OSTM1: variants seen among roughly 807,000 people sequenced by gnomAD.
The protein encoded by OSTM1 is osteopetrosis-associated transmembrane protein 1.
Under a neutral mutation model 35.4 loss-of-function variants are expected in OSTM1, and 26 were observed. The ratio of observed to expected loss-of-function variants is 0.73; its 90% CI spans 0.54 to 1.02. The LOEUF is 1.02. Ranked by LOEUF, OSTM1 falls within the 50% of genes least tolerant of loss-of-function variation. The pLI, the probability that OSTM1 is intolerant of heterozygous loss-of-function variation, is 0.00. For missense variants in OSTM1, 366 were observed against 409.6 expected (o/e 0.89, Z 0.92); for synonymous variants, 181 against 165.0 (o/e 1.10, Z -0.75).
At position 108,043,184 on chromosome 6, in the gene OSTM1, A is replaced by C. The variant is rs1771901797; in HGVS notation, c.*1601T>G. 6.6e-6 allele frequency: 1 copy of C among 152,226 alleles called. No homozygotes were observed. Among genetic ancestry groups the C allele is most frequent in the South Asian group, 2.1e-4 (1 of 4,828 alleles). The allele number at this position is 152,226 out of a possible 1,614,324, so 9.4% of individuals were successfully genotyped here. On this transcript the variant is annotated 3_prime_UTR_variant, in exon 6 of 6. Transcript: ENST00000193322. ...GTCATTTTCTAACTCTGCACATGTA[A>C]ACTTGTTTTATCTGCATTAATGAAG...
intron 3 of OSTM1, among the ~76,000 whole-genome samples, chr6:108,051,559 T>C (rs570050822): frequency 6.6e-6 from 1 of 152,330 alleles, no homozygotes; most frequent in South Asian, 2.1e-4. Flanking sequence ...CAAAATTTCC[T>C]AAATTATCTC....
In OSTM1 at chr6:108,046,853, G is replaced by A. The variant is rs374427507; in HGVS notation, c.950-2013C>T. Among the ~76,000 whole-genome samples, 8 of 150,614 alleles carry A rather than the reference G, an allele frequency of 5.3e-5. No homozygotes were observed. The East Asian group carries it at 1.2e-3, about 22-fold the overall frequency. On this transcript the variant is annotated intron_variant, in intron 5 of 5. Transcript: ENST00000193322. ...ATTACTTTGTTAAAAACTACTAGAA[G>A]TGATCTAGCTTCTGACAAAATTCAA...
chr6:108,050,552 C>CG lies in OSTM1; in HGVS notation c.783+478dup, dbSNP rs371460883. Among the ~76,000 whole-genome samples the CG allele has an allele frequency of 9.3e-3, 1,418 of 151,664 alleles. 21 individuals are homozygous for CG. The highest frequency in any genetic ancestry group is 0.032 in the African/African-American group (1,336 of 41,338). ...CTAATTTTTCTATTTTTAGTAGAGA[C>CG]GGGGTTTCACCATGTTGGTCAGGCT... On this transcript the variant is annotated intron_variant, in intron 4 of 5. Transcript: ENST00000193322.
rs536311101 is a variant in OSTM1, at chr6:108,059,095, C to T, written c.518-4508G>A. On this transcript the variant is annotated intron_variant, in intron 2 of 5. Coordinates refer to ENST00000193322, the MANE Select transcript of OSTM1 (RefSeq NM_014028.4). ...TAATAATGCTTCATACTGGATACTGCTTACCAAAGAACCAAAACACTAAAG... is the reference window on the plus strand; with the variant it reads ...TAATAATGCTTCATACTGGATACTGTTTACCAAAGAACCAAAACACTAAAG... 3.9e-5 allele frequency among the ~76,000 whole-genome samples: 6 copies of T among 152,274 alleles called. No individual in the cohort carries two copies. In the East Asian group the frequency reaches 1.2e-3, roughly 29 times the overall value.
rs1772065414 is a variant in OSTM1 at position 108,051,009 on chromosome 6, AC to A, written c.783+21del. ...TCAATAACACTCTAAAATATGTATC[AC>A]ATCAGAAGCAAAGTACTTACTGCAT... On this transcript the variant is annotated intron_variant, in intron 4 of 5. Coordinates refer to ENST00000193322, the MANE Select transcript of OSTM1 (RefSeq NM_014028.4). The A allele has an allele frequency of 7.0e-6, 11 of 1,582,006 alleles. No homozygotes were observed. In the East Asian group the frequency reaches 2.5e-4, roughly 35 times the overall value.
intron 2 of OSTM1, chr6:108,061,012 A>G (rs1402486172): frequency 6.6e-6 from 1 of 152,186 alleles, no homozygotes; most frequent in Non-Finnish European, 1.5e-5. Flanking sequence ...TTTATAATTA[A>G]CATATTTTTC....
At chr6:108,058,422 T>C (rs1447685268) in intron 2 of OSTM1, among the ~76,000 whole-genome samples, 2 of 152,150 alleles carry the variant, frequency 1.3e-5, no homozygotes, top group African/African-American at 2.4e-5. Context: ...AAAACTAAGA[T>C]ACTTTAAATT....
intron 1 of OSTM1, among the ~76,000 whole-genome samples, chr6:108,072,485 T>G (rs1772501846): frequency 6.6e-6 from 1 of 151,512 alleles, no homozygotes; most frequent in Admixed American, 6.6e-5. Flanking sequence ...ATACAATAAT[T>G]AGTTAGGTGT....
intron 2 of OSTM1, among the ~76,000 whole-genome samples, chr6:108,062,623 T>C (rs995994739): frequency 1.3e-5 from 2 of 150,614 alleles, no homozygotes; most frequent in African/African-American, 4.9e-5. Context: ...CCATGATTCA[T>C]TGCAGCCTTG....
chr6:108,060,762 C>T (rs76068122), intron 2 of OSTM1: 1,691 of 152,074 alleles, frequency 0.011, 23 homozygotes, highest in Non-Finnish European at 0.017. Context: ...AAAAAAATGC[C>T]CTGCCTCTTC....
At chr6:108,056,008 A>G (rs1772164062) in intron 2 of OSTM1, among the ~76,000 whole-genome samples, 4 of 152,240 alleles carry the variant, frequency 2.6e-5, no homozygotes. Flanking sequence ...ATTACCCAGG[A>G]GAAAGGCAGC....
chr6:108,053,838 T>A (rs1476489306), intron 3 of OSTM1, among the ~76,000 whole-genome samples: 1 of 152,202 alleles, frequency 6.6e-6, no homozygotes, highest in East Asian at 1.9e-4. Context: ...TCATACATGC[T>A]TATACCCTAA....
chr6:108,046,405 G>A (rs574547051), intron 5 of OSTM1, among the ~76,000 whole-genome samples: 8 of 147,942 alleles, frequency 5.4e-5, no homozygotes, highest in East Asian at 2.0e-4. Context: ...GCAGTGGCGC[G>A]ATCTCAGCTC....
intron 5 of OSTM1, among the ~76,000 whole-genome samples, chr6:108,047,910 CTT>C (rs1038932051): frequency 6.6e-6 from 1 of 152,136 alleles, no homozygotes; most frequent in Non-Finnish European, 1.5e-5. Context: ...AGATGCTAAA[CTT>C]TAAAAGTATA....
chr6:108,073,899 C>T (rs910601444), intron 1 of OSTM1: 1 of 347,556 alleles, frequency 2.9e-6, no homozygotes, highest in African/African-American at 2.1e-5. Context: ...AGTGTCTCCA[C>T]CCCACTTGTT....
At chr6:108,044,968 A>G in intron 5 of OSTM1, 128 bp from the exon 6 acceptor site, 1 of 463,036 alleles carries the variant, frequency 2.2e-6, no homozygotes, top group Non-Finnish European at 3.6e-6. Context: ...TTCCAGCCTT[A>G]TAAGAATTAA....
rs573055586 is a variant in OSTM1, at chr6:108,059,189, G to T, written c.518-4602C>A. Among the ~76,000 whole-genome samples the T allele has an allele frequency of 1.6e-4, 25 of 152,312 alleles. No individual in the cohort carries two copies. In the South Asian group the frequency reaches 1.7e-3, roughly 10 times the overall value. On this transcript the variant is annotated intron_variant, in intron 2 of 5. Coordinates refer to ENST00000193322, the MANE Select transcript of OSTM1 (RefSeq NM_014028.4). ...ACTGCTGTATGCACAAGATAAGCAA[G>T]AAGGGTCTCAATAACAAGGCTATCC...
rs997449020 is a variant in OSTM1, at chr6:108,072,910, G to A, written c.402+1340C>T. Reference sequence around the variant, plus strand: ...GTAGCTGGAACTACAGACGTGTACCGCAATTCTTCTGCCTCAGCTTCCAGA... The same window carrying A: ...GTAGCTGGAACTACAGACGTGTACCACAATTCTTCTGCCTCAGCTTCCAGA... On this transcript the variant is annotated intron_variant, in intron 1 of 5. Coordinates refer to ENST00000193322, the MANE Select transcript of OSTM1 (RefSeq NM_014028.4). 3.9e-5 allele frequency among the ~76,000 whole-genome samples: 6 copies of A among 152,160 alleles called. No individual in the cohort carries two copies. In the East Asian group the frequency reaches 7.8e-4, roughly 20 times the overall value.
At position 108,051,075 on chromosome 6, in the gene OSTM1, T is replaced by C. The variant is rs1311737833; in HGVS notation, c.739A>G (p.Lys247Glu). 1 of 1,613,782 alleles carries C rather than the reference T, an allele frequency of 6.2e-7. No individual in the cohort carries two copies. The highest frequency in any genetic ancestry group is 8.5e-7 in the Non-Finnish European group (1 of 1,179,862). Residue 247 changes from lysine to glutamate, a missense_variant, in exon 4 of 6, where the codon AAG becomes GAG. This residue lies in a region of OSTM1 where 125 missense variants were observed against 151.7 expected (regional missense o/e 0.82). Coordinates refer to ENST00000193322, the MANE Select transcript of OSTM1 (RefSeq NM_014028.4). The stretch of plus-strand genomic sequence containing the variant: ...CATAAATGTGTTCCAGGTTCAGCCT[T>C]ATTCTCAAGTTCATTCATTTTTTGC... ...EMQKMNELEN[K>E]AEPGTHLCID...
Sources: allele counts gnomAD v4.1 joint callset (sites outside exome capture counted in the v4.1 genomes callset), GRCh38; gene constraint gnomAD v4.1.1; regional missense constraint gnomAD v4.1.1; transcripts MANE v1.5; gene names NCBI Gene and HGNC (gene_info 2026-07-23, HGNC 2026-07-21).